Variants in BCR observed in about 807,000 individuals in gnomAD.
The protein encoded by BCR is breakpoint cluster region protein.
A neutral mutation model predicts 138.6 loss-of-function variants in BCR; 58 were observed. That is an observed-to-expected ratio of 0.42 (90% CI 0.34 to 0.52). BCR has a LOEUF of 0.52. BCR is among the 20% of genes least tolerant of loss of function. The pLI, the probability that BCR is intolerant of heterozygous loss-of-function variation, is 0.06. For synonymous variants in BCR, 786 were observed against 730.1 expected (o/e 1.08, Z -1.23); for missense variants, 1,599 against 1,727.2 (o/e 0.93, Z 1.32).
At chr22:23,209,693 G>A (rs940187983) in intron 1 of BCR, among the ~76,000 whole-genome samples, 35 of 152,092 alleles carry the variant, frequency 2.3e-4, no homozygotes, top group South Asian at 2.1e-4. Flanking sequence ...ACAGGCACCC[G>A]CCACCACACC....
In BCR at chr22:23,257,549, C is replaced by T. The variant is rs1317200424; in HGVS notation, c.1462-3401C>T. 3.3e-5 allele frequency among the ~76,000 whole-genome samples: 5 copies of T among 152,230 alleles called. No individual in the cohort carries two copies. The South Asian group carries it at 6.2e-4, about 19-fold the overall frequency. ...GCTGGCAGGCTGGGTGGATGGGTGGCGCTGCCCAAGGGACCCACCATTCCC... is the reference window on the plus strand; with the variant it reads ...GCTGGCAGGCTGGGTGGATGGGTGGTGCTGCCCAAGGGACCCACCATTCCC... On this transcript the variant is annotated intron_variant, in intron 2 of 22. Transcript: ENST00000305877.
At chr22:23,188,324 G>T (rs1278176054) in intron 1 of BCR, among the ~76,000 whole-genome samples, 1 of 152,236 alleles carries the variant, frequency 6.6e-6, no homozygotes, top group African/African-American at 2.4e-5. Context: ...GGAGCTGGGA[G>T]TGCTGTTGAT....
intron 9 of BCR, among the ~76,000 whole-genome samples, chr22:23,284,406 G>A (rs939297897): frequency 6.6e-6 from 1 of 152,052 alleles, no homozygotes; most frequent in African/African-American, 2.4e-5. Flanking sequence ...GGCAGTGCTG[G>A]GTGGTGGCTG....
intron 1 of BCR, among the ~76,000 whole-genome samples, chr22:23,195,945 A>C (rs9624052): frequency 0.041 from 6,236 of 152,280 alleles, 470 homozygotes; most frequent in African/African-American, 0.14. Flanking sequence ...AACAGGTACA[A>C]ATTTTAAAGA....
At chr22:23,254,897 T>A (rs778658404) in intron 2 of BCR, among the ~76,000 whole-genome samples, 1 of 152,136 alleles carries the variant, frequency 6.6e-6, no homozygotes, top group Non-Finnish European at 1.5e-5. Flanking sequence ...GCATGGTGGC[T>A]CACACCTATA....
At chr22:23,225,790 C>T (rs1299521498) in intron 1 of BCR, among the ~76,000 whole-genome samples, 2 of 152,228 alleles carry the variant, frequency 1.3e-5, no homozygotes, top group African/African-American at 4.8e-5. Context: ...AGACTCCTCC[C>T]TTTTCTGGCC....
chr22:23,239,598 C>CTAA (rs2073065694), intron 1 of BCR, among the ~76,000 whole-genome samples: 1 of 152,174 alleles, frequency 6.6e-6, no homozygotes, highest in Non-Finnish European at 1.5e-5. Flanking sequence ...GTCTGAGCTC[C>CTAA]ACAATGACTT....
In BCR at chr22:23,309,450, A is replaced by C. The variant is rs1276504369; in HGVS notation, c.3039A>C (p.Arg1013Ser). 1 of 1,604,502 alleles carries C rather than the reference A, an allele frequency of 6.2e-7. No individual in the cohort carries two copies. Residue 1013 changes from arginine (R) to serine (S), a missense_variant, in exon 17 of 23, where the codon AGA (arginine) becomes AGC (serine). Coordinates refer to ENST00000305877, the MANE Select transcript of BCR (RefSeq NM_004327.4). ...VQLDPQALQDRDWQRTVIAMN... is the reference protein window; with the variant it reads ...VQLDPQALQDSDWQRTVIAMN... ...TGGACCCGCAGGCCCTGCAGGACAG[A>C]GACTGGCAGCGCACCGTCATCGCCA... is the stretch of plus-strand genomic sequence containing the variant.
At chr22:23,190,701 T>C (rs1028257252) in intron 1 of BCR, among the ~76,000 whole-genome samples, 3 of 151,878 alleles carry the variant, frequency 2.0e-5, no homozygotes, top group Non-Finnish European at 2.9e-5. Context: ...AGGGAGATGG[T>C]GTTTGTGCCG....
chr22:23,249,302 C>G (rs569325928), intron 1 of BCR, among the ~76,000 whole-genome samples: 2 of 152,092 alleles, frequency 1.3e-5, no homozygotes, highest in Non-Finnish European at 2.9e-5. Context: ...CGTGGTGGCG[C>G]ACGCCTGTAG....
At chr22:23,264,074 C>T (rs2073406400) in intron 4 of BCR, 4 of 1,245,216 alleles carry the variant, frequency 3.2e-6, no homozygotes, top group Non-Finnish European at 3.5e-6. Flanking sequence ...ATGTTCGCTA[C>T]TGGGACTGCC....
intron 7 of BCR, 24 bp from the exon 8 acceptor site, chr22:23,273,610 C>G: frequency 6.2e-7 from 1 of 1,612,782 alleles, no homozygotes; most frequent in Non-Finnish European, 8.5e-7. Context: ...CTGTGTCTAA[C>G]TCAAGTCTTT....
chr22:23,197,989 C>T (rs559155644), intron 1 of BCR, among the ~76,000 whole-genome samples: 125 of 152,044 alleles, frequency 8.2e-4, no homozygotes, highest in Non-Finnish European at 1.4e-3. Flanking sequence ...AGGACAGAAG[C>T]GTGGGTTGCG....
chr22:23,235,603 T>A (rs1013252669), intron 1 of BCR, among the ~76,000 whole-genome samples: 2 of 106,330 alleles, frequency 1.9e-5, no homozygotes, highest in African/African-American at 2.7e-5. Context: ...AGTCATGGAA[T>A]CTCAGAATAT....
At chr22:23,266,123 C>T (rs1012833379) in intron 4 of BCR, among the ~76,000 whole-genome samples, 18 of 152,118 alleles carry the variant, frequency 1.2e-4, no homozygotes, top group African/African-American at 2.9e-4. Context: ...CTCACTCTGT[C>T]GCCCAATCTG....
chr22:23,216,699 T>C (rs1428301978), intron 1 of BCR, among the ~76,000 whole-genome samples: 2 of 152,276 alleles, frequency 1.3e-5, no homozygotes, highest in African/African-American at 4.8e-5. Context: ...GGCTTGGTCA[T>C]GTGACTGTAT....
At chr22:23,213,884 T>G (rs1488430896) in intron 1 of BCR, among the ~76,000 whole-genome samples, 2 of 151,490 alleles carry the variant, frequency 1.3e-5, no homozygotes, top group African/African-American at 4.8e-5. Flanking sequence ...GTACTCCCAG[T>G]TATCATTGCG....
intron 16 of BCR, among the ~76,000 whole-genome samples, chr22:23,299,274 A>G (rs1413954513): frequency 6.6e-6 from 1 of 152,144 alleles, no homozygotes; most frequent in African/African-American, 2.4e-5. Flanking sequence ...GTGAGCCACC[A>G]CGCCTAGCTC....
chr22:23,262,953 G>T, intron 4 of BCR: 5 of 1,028,148 alleles, frequency 4.9e-6, no homozygotes, highest in Non-Finnish European at 6.2e-6. Flanking sequence ...CGTGGAGGAA[G>T]GGGCGAGAGG....
Sources: allele counts gnomAD v4.1 joint callset (sites outside exome capture counted in the v4.1 genomes callset), GRCh38; gene constraint gnomAD v4.1.1; transcripts MANE v1.5; gene names NCBI Gene and HGNC (gene_info 2026-07-23, HGNC 2026-07-21).